Variants in GTPBP1 observed in about 807,000 individuals in gnomAD.
The protein encoded by GTPBP1 is GTP binding protein 1.
A neutral mutation model predicts 62.0 loss-of-function variants in GTPBP1; 23 were observed. That is an observed-to-expected ratio of 0.37 (90% CI 0.27 to 0.53). The LOEUF is 0.53. Ranked by LOEUF, GTPBP1 falls within the 20% of genes least tolerant of loss-of-function variation. The pLI is 0.89. For missense variants in GTPBP1, 640 were observed against 917.3 expected, an observed-to-expected ratio of 0.70 and a Z score of 3.90; for synonymous variants, 344 against 364.4, an observed-to-expected ratio of 0.94 and a Z score of 0.64.
At chr22:38,740,944 C>G (rs2092851927), downstream of GTPBP1, 1 of 1,511,802 alleles carries the variant, frequency 6.6e-7, no homozygotes, top group Non-Finnish European at 9.0e-7. The surrounding 1 kb of genome is among the most constrained non-coding windows in gnomAD (Gnocchi z 4.8). Context: ...CTCCCCAGTC[C>G]TGCCTGGAGA....
At chr22:38,708,048 A>G (rs138182306) in intron 1 of GTPBP1, among the ~76,000 whole-genome samples, 504 of 152,320 alleles carry the variant, frequency 3.3e-3, no homozygotes, top group Non-Finnish European at 5.7e-3. Flanking sequence ...ACATTTATTG[A>G]GCTGTGGACT....
In GTPBP1 at chr22:38,730,939, A is replaced by T; in HGVS notation, c.*235A>T. 7 of 490,528 alleles carry T rather than the reference A, an allele frequency of 1.4e-5. No individual in the cohort carries two copies. The highest frequency in any genetic ancestry group is 1.8e-5 in the Non-Finnish European group (5 of 278,608). The allele number at this position is 490,528 out of a possible 1,614,324, so 30.4% of individuals were successfully genotyped here. On this transcript the variant is annotated 3_prime_UTR_variant, in exon 12 of 12. Coordinates refer to ENST00000216044, the MANE Select transcript of GTPBP1 (RefSeq NM_004286.5). The surrounding 1 kb of genome is among the most constrained non-coding windows in gnomAD (Gnocchi z 5.6). ...CACTGTCCTCCCCACCTTCTTCCTCACTCACACATTTTTTGTACATCTGGG... is the reference window on the plus strand; with the variant it reads ...CACTGTCCTCCCCACCTTCTTCCTCTCTCACACATTTTTTGTACATCTGGG...
downstream of GTPBP1, chr22:38,737,993 G>A (rs568618600): frequency 7.0e-6 from 5 of 718,820 alleles, no homozygotes; most frequent in South Asian, 7.5e-5. The surrounding 1 kb of genome is among the most constrained non-coding windows in gnomAD (Gnocchi z 4.1). Flanking sequence ...GCCTTCCCCT[G>A]TGCTGACGTC....
intron 5 of GTPBP1, chr22:38,723,471 A>G: frequency 1.0e-6 from 1 of 974,864 alleles, no homozygotes. Flanking sequence ...CGGGCAGCCG[A>G]TGCTCAGAGT....
At chr22:38,738,829 CAG>C, downstream of GTPBP1, 1 of 1,595,484 alleles carries the variant, frequency 6.3e-7, no homozygotes, top group Non-Finnish European at 8.6e-7. This position sits in a 1 kb window ranked among gnomAD's most constrained non-coding sequence, Gnocchi z 6.6. Flanking sequence ...GACCAGCCCT[CAG>C]TGTGCTCAGA....
Position 38,726,547 on chromosome 22 carries a change from G to A in GTPBP1, c.1401+107G>A, listed in dbSNP as rs971169394. Reference sequence around the variant, plus strand: ...GTCCTCATGGCTGCTCTGCAAGGTCGGGATTACTGGCTTCATTTTTACAGA... The same window carrying A: ...GTCCTCATGGCTGCTCTGCAAGGTCAGGATTACTGGCTTCATTTTTACAGA... On this transcript the variant is annotated intron_variant, in intron 8 of 11. Coordinates refer to ENST00000216044, the MANE Select transcript of GTPBP1 (RefSeq NM_004286.5). This position sits in a 1 kb window ranked among gnomAD's most constrained non-coding sequence, Gnocchi z 4.1. 20 of 939,310 alleles carry A rather than the reference G, an allele frequency of 2.1e-5. No homozygotes were observed. The highest frequency in any genetic ancestry group is 9.8e-5 in the East Asian group (4 of 40,674). The allele number at this position is 939,310 out of a possible 1,614,324, so 58.2% of individuals were successfully genotyped here.
At position 38,706,111 on chromosome 22, in the gene GTPBP1, G is replaced by T; in HGVS notation, c.156G>T (p.Ala52=). ...CGGACTGCAGCGAGGACGGCGAGGCGCTCAACGGCGAGCCAGAGCTGGACC... is the reference window on the plus strand; with the variant it reads ...CGGACTGCAGCGAGGACGGCGAGGCTCTCAACGGCGAGCCAGAGCTGGACC... ...FDSDCSEDGE[A]LNGEPELDLT... is the part of the protein sequence containing the mutation. Residue 52 remains alanine (A), a synonymous_variant, in exon 1 of 12, where the codon GCG becomes GCT. Coordinates refer to ENST00000216044, the MANE Select transcript of GTPBP1 (RefSeq NM_004286.5). 1.5e-6 allele frequency: 2 copies of T among 1,305,358 alleles called. No homozygotes were observed. The highest frequency in any genetic ancestry group is 1.9e-6 in the Non-Finnish European group (2 of 1,026,154). The allele number at this position is 1,305,358 out of a possible 1,614,324, so 80.9% of individuals were successfully genotyped here.
chr22:38,739,469 C>A (rs772614064), downstream of GTPBP1: 1 of 1,603,614 alleles, frequency 6.2e-7, no homozygotes, highest in African/African-American at 1.3e-5. This position sits in a 1 kb window ranked among gnomAD's most constrained non-coding sequence, Gnocchi z 6.7. Context: ...AGGGAGCAGA[C>A]GTGTCCCCCT....
At chr22:38,734,386 C>A, downstream of GTPBP1, 1 of 412,804 alleles carries the variant, frequency 2.4e-6, no homozygotes, top group South Asian at 1.8e-5. Flanking sequence ...TCCAAGTGGA[C>A]GTGGCTGGTA....
downstream of GTPBP1, chr22:38,737,728 C>G (rs150828496): frequency 2.3e-4 from 86 of 369,152 alleles, no homozygotes; most frequent in African/African-American, 1.7e-3. This position sits in a 1 kb window ranked among gnomAD's most constrained non-coding sequence, Gnocchi z 4.1. Flanking sequence ...ACCAGACTCT[C>G]CTGGGGTGGA....
chr22:38,736,047 C>T (rs775542638), downstream of GTPBP1: 20 of 594,452 alleles, frequency 3.4e-5, no homozygotes, highest in South Asian at 2.3e-4. Flanking sequence ...GCAGACGCCA[C>T]GGGCACAGAG....
intron 2 of GTPBP1, among the ~76,000 whole-genome samples, chr22:38,714,719 GAGA>G (rs66511860): frequency 0.025 from 3,871 of 152,208 alleles, 151 homozygotes; most frequent in African/African-American, 0.089. Flanking sequence ...GTGGGAGGAA[GAGA>G]AGAAGAGACA....
intron 2 of GTPBP1, among the ~76,000 whole-genome samples, chr22:38,712,990 A>G (rs2092648733): frequency 1.3e-5 from 2 of 152,200 alleles, no homozygotes; most frequent in African/African-American, 4.8e-5. Context: ...CTTGTTTTCA[A>G]GATGCTTATG....
Position 38,730,890 on chromosome 22 carries a change from A to G in GTPBP1, c.*186A>G, listed in dbSNP as rs1245162028. On this transcript the variant is annotated 3_prime_UTR_variant, in exon 12 of 12. Transcript: ENST00000216044. The surrounding 1 kb of genome is among the most constrained non-coding windows in gnomAD (Gnocchi z 5.6). ...TTTATAAGCTGACGAAGGTAGCCAG[A>G]CTTCCGGAGGACTGACCATCTCTCA... 2 of 556,778 alleles carry G rather than the reference A, an allele frequency of 3.6e-6. No individual in the cohort carries two copies. Among genetic ancestry groups the G allele is most frequent in the Non-Finnish European group, 6.3e-6 (2 of 315,712 alleles). 34.5% of individuals were successfully genotyped at this position (556,778 alleles called of 1,614,324 possible). A position where few individuals can be genotyped will look rare whatever the true frequency, so the allele number is the denominator to read the frequency against.
chr22:38,723,385 C>T, intron 5 of GTPBP1: 1 of 881,120 alleles, frequency 1.1e-6, no homozygotes, highest in Non-Finnish European at 1.9e-6. Flanking sequence ...ATATGTTTGT[C>T]AAGCTCGTTC....
At chr22:38,717,218 T>C (rs2092675727) in intron 4 of GTPBP1, among the ~76,000 whole-genome samples, 1 of 152,220 alleles carries the variant, frequency 6.6e-6, no homozygotes, top group Admixed American at 6.5e-5. Context: ...AGGGAAGGTA[T>C]CCTCTTGGTA....
At chr22:38,707,159 T>C (rs1465497589) in intron 1 of GTPBP1, among the ~76,000 whole-genome samples, 3 of 152,246 alleles carry the variant, frequency 2.0e-5, no homozygotes, top group Non-Finnish European at 4.4e-5. Context: ...AGAGACTCAG[T>C]AAATGTTTGA....
Position 38,729,616 on chromosome 22 carries a change from C to T in GTPBP1, c.1871C>T (p.Ser624Phe). The T allele has an allele frequency of 6.5e-7, 1 of 1,543,624 alleles. No homozygotes were observed. The highest frequency in any genetic ancestry group is 8.7e-7 in the Non-Finnish European group (1 of 1,146,558). The change falls in exon 11 of 12, where the codon TCT (serine) becomes TTT (phenylalanine). Residue 624 changes from serine to phenylalanine, a missense_variant. Coordinates refer to ENST00000216044, the MANE Select transcript of GTPBP1 (RefSeq NM_004286.5). ...CCCCCACCTGGAGATGAAGCCTCCT[C>T]TGTAGGGGCAGGGCAACCAGCTGCG... ...GAPPPGDEAS[S>F]VGAGQPAASS...
rs151335415 is a variant in GTPBP1 at position 38,715,270 on chromosome 22, C to T, written c.305-637C>T. 3.3e-5 allele frequency among the ~76,000 whole-genome samples: 5 copies of T among 152,246 alleles called. No homozygotes were observed. In the East Asian group the frequency reaches 9.6e-4, roughly 29 times the overall value. Reference sequence around the variant, plus strand: ...TCAATGCCTGGTGCAGAAGGTGTGTCGCTGCTGTCCGTCTGTTGTGCTGCT... The same window carrying T: ...TCAATGCCTGGTGCAGAAGGTGTGTTGCTGCTGTCCGTCTGTTGTGCTGCT... On this transcript the variant is annotated intron_variant, in intron 2 of 11. Transcript: ENST00000216044.
Sources: allele counts gnomAD v4.1 joint callset (sites outside exome capture counted in the v4.1 genomes callset), GRCh38; gene constraint gnomAD v4.1.1; non-coding constraint Gnocchi (gnomAD v3.1); transcripts MANE v1.5; gene names NCBI Gene and HGNC (gene_info 2026-07-23, HGNC 2026-07-21).